Variants in MKX observed in about 807,000 individuals in gnomAD.
The protein encoded by MKX is mohawk homeobox.
A neutral mutation model predicts 36.0 loss-of-function variants in MKX; 13 were observed. The ratio of observed to expected loss-of-function variants is 0.36; its 90% confidence interval spans 0.24 to 0.57. The LOEUF is 0.57. Among genes scored for constraint, MKX ranks in the 20% least tolerant of loss-of-function variants. MKX has a pLI of 0.79. For missense variants in MKX, 458 were observed against 456.4 expected, an observed-to-expected ratio of 1.00 and a Z score of -0.03; for synonymous variants, 176 against 178.3, an observed-to-expected ratio of 0.99 and a Z score of 0.10.
intron 5 of MKX, among the ~76,000 whole-genome samples, chr10:27,691,123 C>T (rs985613370): frequency 2.0e-5 from 3 of 152,160 alleles, no homozygotes; most frequent in African/African-American, 4.8e-5. Context: ...ATGACCCAGT[C>T]TCAGGTAGTA....
intron 5 of MKX, among the ~76,000 whole-genome samples, chr10:27,694,516 T>TAAA (rs57248902): frequency 0.012 from 1,311 of 111,476 alleles, 23 homozygotes; most frequent in Non-Finnish European, 0.017. Context: ...CCGTCTCTAC[T>TAAA]AAAAAAAAAA....
At chr10:27,720,809 G>C (rs919959219) in intron 5 of MKX, among the ~76,000 whole-genome samples, 2 of 152,026 alleles carry the variant, frequency 1.3e-5, no homozygotes, top group African/African-American at 4.8e-5. Context: ...GAGGAAGGAA[G>C]GGAAAGAGAA....
rs1391477055 is a variant in MKX at position 27,734,791 on chromosome 10, T to A, written c.503A>T (p.Asp168Val). The A allele has an allele frequency of 3.1e-6, 5 of 1,605,880 alleles. No homozygotes were observed. The change falls in exon 5 of 7, where the codon GAT becomes GTT. Residue 168 changes from aspartate (D) to valine (V), a missense_variant and splice_region_variant. By Grantham distance (152) the Asp-to-Val change is radical. Transcript: ENST00000419761. The part of the protein sequence containing the change: ...SVSSDDSCSE[D>V]GENPPRTHMN... ...GTGGGTTCTTGGAGGATTTTCTCCA[T>A]CTAAAGTGGAACAGTATCACTAAGT...
chr10:27,675,055 G>T lies in MKX; in HGVS notation c.*174C>A. The T allele has an allele frequency of 3.8e-6, 2 of 526,946 alleles. No homozygotes were observed. Among genetic ancestry groups the T allele is most frequent in the Non-Finnish European group, 6.3e-6 (2 of 315,010 alleles). The allele number at this position is 526,946 out of a possible 1,614,324, so 32.6% of individuals were successfully genotyped here. A position where few individuals can be genotyped will look rare whatever the true frequency, so the allele number is the denominator to read the frequency against. On this transcript the variant is annotated 3_prime_UTR_variant, in exon 7 of 7. Coordinates refer to ENST00000419761, the MANE Select transcript of MKX (RefSeq NM_173576.3). ...AAGTTAATATTTTTGATTAAAATGA[G>T]TTTTTTATAATTTATATGTCTTTTA...
At position 27,734,583 on chromosome 10, in the gene MKX, C is replaced by A. The variant is rs780022176; in HGVS notation, c.711G>T (p.Thr237=). The part of the protein sequence containing the change: ...LNDSLRHVMA[T]NTTMMGKTRQ... ...TTGTTTTTCCCATCATGGTAGTGTT[C>A]GTGGCCATGACATGTCTCAAAGAGT... Residue 237 remains threonine, a synonymous_variant, in exon 5 of 7, where the codon ACG becomes ACT. Coordinates refer to ENST00000419761, the MANE Select transcript of MKX (RefSeq NM_173576.3). 22 of 1,613,992 alleles carry A rather than the reference C, an allele frequency of 1.4e-5. No homozygotes were observed. Among genetic ancestry groups the A allele is most frequent in the African/African-American group, 6.7e-5 (5 of 74,902 alleles).
At chr10:27,712,598 C>A (rs902703990) in intron 5 of MKX, among the ~76,000 whole-genome samples, 1 of 151,988 alleles carries the variant, frequency 6.6e-6, no homozygotes, top group African/African-American at 2.4e-5. Flanking sequence ...AGTCCCATGT[C>A]GGGGTGGCCA....
intron 5 of MKX, among the ~76,000 whole-genome samples, chr10:27,698,781 A>G (rs897156487): frequency 3.5e-4 from 53 of 152,174 alleles, no homozygotes; most frequent in African/African-American, 1.3e-3. Flanking sequence ...ACATATTTGG[A>G]AAGACAGGGT....
intron 5 of MKX, among the ~76,000 whole-genome samples, chr10:27,681,592 T>C (rs1836255906): frequency 6.6e-6 from 1 of 152,150 alleles, no homozygotes; most frequent in African/African-American, 2.4e-5. Flanking sequence ...TTTTTTATTG[T>C]TATTTGAGAG....
At position 27,675,105 on chromosome 10, in the gene MKX, G is replaced by T; in HGVS notation, c.*124C>A. 1.3e-6 allele frequency: 1 copy of T among 793,524 alleles called. No homozygotes were observed. The highest frequency in any genetic ancestry group is 1.9e-6 in the Non-Finnish European group (1 of 514,690). The allele number at this position is 793,524 out of a possible 1,614,324, so 49.2% of individuals were successfully genotyped here. On this transcript the variant is annotated 3_prime_UTR_variant, in exon 7 of 7. Coordinates refer to ENST00000419761, the MANE Select transcript of MKX (RefSeq NM_173576.3). Reference sequence around the variant, plus strand: ...ATAGAAGCAACTAAATGATATATTTGGGATAATTAAAAATAAGAAGAGGTT... The same window carrying T: ...ATAGAAGCAACTAAATGATATATTTTGGATAATTAAAAATAAGAAGAGGTT...
chr10:27,743,664 C>A (rs1834975155), intron 1 of MKX, 167 bp from the exon 2 acceptor site: 2 of 495,874 alleles, frequency 4.0e-6, no homozygotes, highest in Non-Finnish European at 7.0e-6. Context: ...GGCTACACGC[C>A]CCCGCCCCTG....
chr10:27,675,380 G>A lies in MKX; in HGVS notation c.908C>T (p.Thr303Met), dbSNP rs1402490120. The change falls in exon 7 of 7, where the codon ACG becomes ATG. Residue 303 changes from threonine to methionine, a missense_variant. Transcript: ENST00000419761. ...ANRKGPSKDDTYWKEINAAMA... is the reference protein window; with the variant it reads ...ANRKGPSKDDMYWKEINAAMA... The stretch of plus-strand genomic sequence containing the variant: ...AGCTGCGTTGATCTCCTTCCAATAC[G>A]TGTCATCCTTGCTTGGTCCTTTTCT... 1.9e-6 allele frequency: 3 copies of A among 1,614,164 alleles called. No individual in the cohort carries two copies. Among genetic ancestry groups the A allele is most frequent in the East Asian group, 4.5e-5 (2 of 44,874 alleles).
chr10:27,745,029 C>G (rs1342451635), intron 1 of MKX: 2 of 152,332 alleles, frequency 1.3e-5, no homozygotes, highest in African/African-American at 4.8e-5. Context: ...GTTCTACAGT[C>G]AAGACTCGCG....
At chr10:27,714,604 T>C (rs1345529678) in intron 5 of MKX, among the ~76,000 whole-genome samples, 2 of 152,188 alleles carry the variant, frequency 1.3e-5, no homozygotes, top group Non-Finnish European at 2.9e-5. Flanking sequence ...ACAACCAGGA[T>C]GCAATATTTT....
intron 5 of MKX, among the ~76,000 whole-genome samples, chr10:27,695,990 CT>C (rs199499191): frequency 0.063 from 9,554 of 152,162 alleles, 723 homozygotes; most frequent in East Asian, 0.26. Flanking sequence ...AAATAATAAC[CT>C]ATTAGCTATT....
At chr10:27,710,597 G>A (rs1012081432) in intron 5 of MKX, among the ~76,000 whole-genome samples, 1 of 152,102 alleles carries the variant, frequency 6.6e-6, no homozygotes, top group African/African-American at 2.4e-5. Flanking sequence ...TTGGCAATGG[G>A]TCTAATTCCA....
intron 5 of MKX, among the ~76,000 whole-genome samples, chr10:27,685,529 A>T (rs141050708): frequency 6.7e-6 from 1 of 149,932 alleles, no homozygotes; most frequent in African/African-American, 2.5e-5. Context: ...GCTCACTGCA[A>T]GCTCCGCCTC....
chr10:27,675,459 A>G (rs372458622), intron 6 of MKX, 44 bp from the exon 7 acceptor site: 2 of 1,614,150 alleles, frequency 1.2e-6, no homozygotes, highest in Non-Finnish European at 8.5e-7. Context: ...AACTCACTGC[A>G]GTTTGCATTG....
intron 5 of MKX, among the ~76,000 whole-genome samples, chr10:27,709,640 G>A (rs1177182154): frequency 6.6e-6 from 1 of 152,208 alleles, no homozygotes; most frequent in Non-Finnish European, 1.5e-5. Flanking sequence ...TGAAGATCCT[G>A]TGCCCCTCTG....
intron 5 of MKX, among the ~76,000 whole-genome samples, chr10:27,693,274 A>G (rs998269985): frequency 6.6e-6 from 1 of 152,192 alleles, no homozygotes; most frequent in African/African-American, 2.4e-5. Context: ...AATGGCCAAA[A>G]ATTAAACATA....
Sources: allele counts gnomAD v4.1 joint callset (sites outside exome capture counted in the v4.1 genomes callset), GRCh38; gene constraint gnomAD v4.1.1; transcripts MANE v1.5; gene names NCBI Gene and HGNC (gene_info 2026-07-23, HGNC 2026-07-21).